Variants in DACH2 observed in about 807,000 individuals in gnomAD.
DACH2 encodes the protein dachshund homolog 2.
In DACH2, 17 loss-of-function variants were observed where a neutral mutation model predicts 35.8. The observed-to-expected ratio is 0.48, with a 90% CI of 0.33 to 0.71. The LOEUF (loss-of-function observed/expected upper bound fraction) is 0.71. Ranked by LOEUF, DACH2 falls within the 30% of genes least tolerant of loss-of-function variation. The probability of loss-of-function intolerance (pLI) is 0.02; values close to 1 mark genes in which losing one functional copy is unlikely to be tolerated. For missense variants in DACH2, 469 were observed against 472.7 expected (o/e 0.99, Z 0.07); for synonymous variants, 195 against 177.3 (o/e 1.10, Z -0.79).
intron 3 of DACH2, among the ~76,000 whole-genome samples, chrX:86,554,211 A>G (rs2039087463): frequency 9.0e-6 from 1 of 111,417 alleles, no homozygotes; most frequent in Admixed American, 9.6e-5. Context: ...ATCAAGTAGA[A>G]TGGTGTAATA....
chrX:86,457,427 T>C (rs1278163193), intron 2 of DACH2, among the ~76,000 whole-genome samples: 1 of 112,107 alleles, frequency 8.9e-6, no homozygotes, highest in Non-Finnish European at 1.9e-5. Context: ...GTCACCCACA[T>C]GAATCTCACC....
At chrX:86,315,830 C>G (rs866897879) in intron 1 of DACH2, among the ~76,000 whole-genome samples, 42 of 90,884 alleles carry the variant, frequency 4.6e-4, no homozygotes, top group African/African-American at 1.0e-3. Flanking sequence ...CACACACACA[C>G]ACACACACAC....
At chrX:86,239,192 G>A (rs1308110472) in intron 1 of DACH2, among the ~76,000 whole-genome samples, 1 of 111,796 alleles carries the variant, frequency 8.9e-6, no homozygotes, top group Non-Finnish European at 1.9e-5. Context: ...GAGCTTTGAA[G>A]TAACTGATTT....
chrX:86,178,139 G>C (rs765028979), intron 1 of DACH2, among the ~76,000 whole-genome samples: 1 of 111,609 alleles, frequency 9.0e-6, no homozygotes, highest in South Asian at 3.7e-4. Context: ...TGAGGAAACT[G>C]TTATCAGAAA....
At chrX:86,373,381 G>A (rs1368091454) in intron 1 of DACH2, among the ~76,000 whole-genome samples, 1 of 111,083 alleles carries the variant, frequency 9.0e-6, no homozygotes, top group Non-Finnish European at 1.9e-5. Flanking sequence ...TAGAGATCAA[G>A]GGAGCCACAA....
At position 86,301,720 on chromosome X, in the gene DACH2, T is replaced by A. The variant is rs370495133; in HGVS notation, c.489-75104T>A. 3.1e-4 allele frequency among the ~76,000 whole-genome samples: 35 copies of A among 112,313 alleles called. No homozygotes were observed. The East Asian group carries it at 3.6e-3, about 12-fold the overall frequency. On this transcript the variant is annotated intron_variant, in intron 1 of 11. Coordinates refer to ENST00000373125, the MANE Select transcript of DACH2 (RefSeq NM_053281.3). ...AACAGTAGTAAAATGACAGTCATAA[T>A]TGCATAATGTACAAGTTGTCAACTG...
chrX:86,230,294 G>A (rs1433416732), intron 1 of DACH2, among the ~76,000 whole-genome samples: 1 of 111,067 alleles, frequency 9.0e-6, no homozygotes, highest in East Asian at 2.8e-4. Flanking sequence ...AACCATCCCT[G>A]CATCCCTGGG....
chrX:86,215,914 G>A (rs761171668), intron 1 of DACH2, among the ~76,000 whole-genome samples: 3 of 112,094 alleles, frequency 2.7e-5, no homozygotes, highest in African/African-American at 6.5e-5. Flanking sequence ...CTTTGTTAGC[G>A]GTTCTCAGAT....
intron 2 of DACH2, among the ~76,000 whole-genome samples, chrX:86,469,989 A>G (rs1015718131): frequency 9.1e-6 from 1 of 109,913 alleles, no homozygotes; most frequent in Non-Finnish European, 1.9e-5. Context: ...TCTGTTTCTT[A>G]CCTAAACTCT....
intron 1 of DACH2, among the ~76,000 whole-genome samples, chrX:86,166,433 AATTT>A (rs2030947717): frequency 8.9e-6 from 1 of 111,770 alleles, no homozygotes; most frequent in African/African-American, 3.2e-5. Context: ...AACTTTACTT[AATTT>A]GTTTATCAGT....
rs776819469 is a variant in DACH2, at chrX:86,423,199, C to T, written c.527+46337C>T. On this transcript the variant is annotated intron_variant, in intron 2 of 11. Coordinates refer to ENST00000373125, the MANE Select transcript of DACH2 (RefSeq NM_053281.3). ...GGGTATATAGCCAGCAGGGAGATTG[C>T]GGAATAATATGGTAGCTCAATCTGT... 9.9e-5 allele frequency among the ~76,000 whole-genome samples: 11 copies of T among 110,956 alleles called. No homozygotes were observed. In the East Asian group the frequency reaches 1.1e-3, roughly 11 times the overall value.
rs1169376671 is a variant in DACH2, at chrX:86,784,189, G to C, written c.1241-28667G>C. ...AAACAATCTACAAAGTAAACAGACAGCCTACATAATGGGAGAAAATATTTG... is the reference window on the plus strand; with the variant it reads ...AAACAATCTACAAAGTAAACAGACACCCTACATAATGGGAGAAAATATTTG... On this transcript the variant is annotated intron_variant, in intron 7 of 11. Coordinates refer to ENST00000373125, the MANE Select transcript of DACH2 (RefSeq NM_053281.3). Among the ~76,000 whole-genome samples, 5 of 108,213 alleles carry C rather than the reference G, an allele frequency of 4.6e-5. No homozygotes were observed. The Admixed American group carries it at 5.0e-4, about 11-fold the overall frequency. 94.0% of individuals were successfully genotyped at this position (108,213 alleles called of 115,157 possible). A position where few individuals can be genotyped will look rare whatever the true frequency, so the allele number is the denominator to read the frequency against.
intron 3 of DACH2, among the ~76,000 whole-genome samples, chrX:86,525,032 T>A (rs2038611739): frequency 1.8e-5 from 2 of 111,847 alleles, no homozygotes; most frequent in Non-Finnish European, 3.8e-5. Context: ...ATTTTTAGCG[T>A]TTCTGATTAG....
intron 1 of DACH2, among the ~76,000 whole-genome samples, chrX:86,213,857 C>A (rs1263199779): frequency 9.0e-6 from 1 of 110,998 alleles, no homozygotes; most frequent in Non-Finnish European, 1.9e-5. Context: ...GAATTCCCAT[C>A]TCTAAATCAG....
intron 2 of DACH2, among the ~76,000 whole-genome samples, chrX:86,429,084 G>C (rs2036940661): frequency 9.0e-6 from 1 of 111,210 alleles, no homozygotes; most frequent in African/African-American, 3.3e-5. Context: ...ATGGTGCATG[G>C]CCTGGCATAT....
intron 2 of DACH2, among the ~76,000 whole-genome samples, chrX:86,460,040 A>G (rs750437832): frequency 1.8e-5 from 2 of 110,945 alleles, no homozygotes; most frequent in Non-Finnish European, 3.8e-5. Flanking sequence ...TCCTAGTTTT[A>G]TAACAAATGA....
At chrX:86,765,698 GTTTTTTTTTT>G (rs60709865) in intron 7 of DACH2, among the ~76,000 whole-genome samples, 3 of 24,635 alleles carry the variant, frequency 1.2e-4, no homozygotes, top group Non-Finnish European at 1.3e-4. Flanking sequence ...TTGTTTTTTG[GTTTTTTTTTT>G]TTTTTTTTTT....
intron 2 of DACH2, among the ~76,000 whole-genome samples, chrX:86,425,965 C>A (rs757524692): frequency 9.0e-6 from 1 of 111,193 alleles, no homozygotes. Context: ...AGGTAGTAGA[C>A]TCCTTTAGGA....
chrX:86,390,045 C>T (rs752322744), intron 2 of DACH2, among the ~76,000 whole-genome samples: 9 of 111,749 alleles, frequency 8.1e-5, no homozygotes, highest in African/African-American at 2.6e-4. Flanking sequence ...TTATATTAGA[C>T]GCTTGAGGAT....
Sources: gnomAD v4.1 joint callset for allele counts (sites outside exome capture counted in the v4.1 genomes callset) on GRCh38, gnomAD v4.1.1 for gene constraint, MANE v1.5 for transcripts, NCBI Gene and HGNC (gene_info 2026-07-23, HGNC 2026-07-21) for gene names.